The following SLX4 variants were observed in gnomAD, a reference collection of about 807,000 sequenced individuals.
SLX4 encodes the protein structure-specific endonuclease subunit SLX4.
A neutral mutation model predicts 146.2 loss-of-function variants in SLX4; 112 were observed. That is an observed-to-expected ratio of 0.77 (90% CI 0.66 to 0.90). The LOEUF (loss-of-function observed/expected upper bound fraction) is 0.90, where lower values mean the gene tolerates loss of function less well. Among genes scored for constraint, SLX4 ranks in the 40% least tolerant of loss-of-function variants. The pLI is 0.00. For synonymous variants in SLX4, 1,061 were observed against 997.7 expected (o/e 1.06, Z -1.20); for missense variants, 2,563 against 2,392.7 (o/e 1.07, Z -1.49).
chr16:3,611,060 A>G (rs559688146), intron 1 of SLX4, among the ~76,000 whole-genome samples: 1 of 152,234 alleles, frequency 6.6e-6, no homozygotes, highest in East Asian at 1.9e-4. Flanking sequence ...ACTGAATGAC[A>G]TAACGGATCC....
At chr16:3,606,112 T>G (rs908495100) in intron 3 of SLX4, among the ~76,000 whole-genome samples, 11 of 150,930 alleles carry the variant, frequency 7.3e-5, no homozygotes, top group Non-Finnish European at 1.5e-4. Flanking sequence ...ATACAAAAAT[T>G]GGCCAGGTGT....
rs2040561177 is a variant in SLX4, at chr16:3,589,912, C to T, written c.3726G>A (p.Glu1242=). The change falls in exon 12 of 15, where the codon GAG becomes GAA. Residue 1242 remains glutamate (E), a synonymous_variant. Transcript: ENST00000294008. The surrounding 1 kb of genome is among the most constrained non-coding windows in gnomAD (Gnocchi z 6.2). The part of the protein sequence containing the change: ...RGAPWLFCDR[E]SSPSEASTTD... Reference sequence around the variant, plus strand: ...TGGTGCTGGCCTCGCTGGGGCTGCTCTCACGGTCACAGAACAGCCAGGGAG... The same window carrying T: ...TGGTGCTGGCCTCGCTGGGGCTGCTTTCACGGTCACAGAACAGCCAGGGAG... The T allele has an allele frequency of 6.2e-7, 1 of 1,613,890 alleles. No homozygotes were observed. The highest frequency in any genetic ancestry group is 1.7e-5 in the Admixed American group (1 of 60,022).
At chr16:3,592,993 C>G (rs936886551) in intron 10 of SLX4, 128 bp from the exon 11 acceptor site, 1 of 930,056 alleles carries the variant, frequency 1.1e-6, no homozygotes, top group South Asian at 1.8e-5. Flanking sequence ...AGTGTCTCCC[C>G]TTGTCACCCA....
intron 8 of SLX4, 33 bp from the exon 9 acceptor site, chr16:3,595,726 C>T: frequency 6.2e-7 from 1 of 1,607,924 alleles, no homozygotes; most frequent in Non-Finnish European, 8.5e-7. Flanking sequence ...AAAGGAACGT[C>T]ACAGCCCAGC....
intron 11 of SLX4, 29 bp from the exon 12 acceptor site, chr16:3,591,339 C>T: frequency 1.2e-6 from 2 of 1,606,214 alleles, no homozygotes; most frequent in South Asian, 2.2e-5. Context: ...ACAGTCATCG[C>T]CCCTCTGCGT....
At chr16:3,594,032 C>T (rs1224095885) in intron 10 of SLX4, among the ~76,000 whole-genome samples, 8 of 152,032 alleles carry the variant, frequency 5.3e-5, no homozygotes, top group East Asian at 1.9e-4. Flanking sequence ...CCACCATGCC[C>T]GGCTAATTTT....
At chr16:3,605,377 C>T (rs1041157509) in intron 3 of SLX4, among the ~76,000 whole-genome samples, 16 of 151,928 alleles carry the variant, frequency 1.1e-4, no homozygotes, top group Admixed American at 6.6e-4. Flanking sequence ...GCGTGAGCCA[C>T]CACGCCTGGC....
At position 3,591,025 on chromosome 16, in the gene SLX4, C is replaced by G; in HGVS notation, c.2613G>C (p.Ala871=). ...QRKLLQEERA[A]GAGEDADWLE... is the part of the protein sequence containing the mutation. ...GCCAGTCAGCGTCCTCGCCGGCACCCGCTGCCCTTTCTTCCTGGAGAAGCT... is the reference window on the plus strand; with the variant it reads ...GCCAGTCAGCGTCCTCGCCGGCACCGGCTGCCCTTTCTTCCTGGAGAAGCT... The change falls in exon 12 of 15, where the codon GCG becomes GCC. Residue 871 remains alanine, a synonymous_variant. Transcript: ENST00000294008. 6.2e-7 allele frequency: 1 copy of G among 1,614,210 alleles called. No homozygotes were observed. The highest frequency in any genetic ancestry group is 8.5e-7 in the Non-Finnish European group (1 of 1,180,052).
At chr16:3,583,062 T>A in intron 14 of SLX4, 35 bp downstream of exon 14, 1 of 1,613,526 alleles carries the variant, frequency 6.2e-7, no homozygotes, top group Non-Finnish European at 8.5e-7. Context: ...AGAGGATACA[T>A]GAGGCCACTG....
At chr16:3,595,371 A>G (rs755752906) in intron 9 of SLX4, among the ~76,000 whole-genome samples, 1 of 152,244 alleles carries the variant, frequency 6.6e-6, no homozygotes, top group Non-Finnish European at 1.5e-5. Flanking sequence ...ATGGAGTCAC[A>G]GACAGAAAAG....
In SLX4 at chr16:3,602,198, T is replaced by C; in HGVS notation, c.870A>G (p.Glu290=). 6.2e-7 allele frequency: 1 copy of C among 1,614,180 alleles called. No individual in the cohort carries two copies. Among genetic ancestry groups the C allele is most frequent in the Non-Finnish European group, 8.5e-7 (1 of 1,180,034 alleles). ...GASAHDDSLE[E]KGLFFCQICQ... ...AAATCTGGCAGAAGAACAAACCCTT[T>C]TCCTCCAGGCTATCATCATGTGCCG... is the stretch of plus-strand genomic sequence containing the variant. The change falls in exon 4 of 15, where the codon GAA becomes GAG. Residue 290 remains glutamate, a synonymous_variant. Coordinates refer to ENST00000294008, the MANE Select transcript of SLX4 (RefSeq NM_032444.4).
chr16:3,595,203 C>T (rs1044283286), intron 9 of SLX4, among the ~76,000 whole-genome samples: 1 of 152,220 alleles, frequency 6.6e-6, no homozygotes, highest in East Asian at 1.9e-4. Context: ...AGGACCCGCA[C>T]AGAGGGGAGG....
chr16:3,606,435 C>T (rs753089455), intron 3 of SLX4, 39 bp downstream of exon 3: 2 of 1,604,442 alleles, frequency 1.2e-6, no homozygotes, highest in Admixed American at 3.3e-5. Flanking sequence ...GTTGTATTAA[C>T]TTATCTCTGT....
rs200507644 is a variant in SLX4 at position 3,583,278 on chromosome 16, C to T, written c.4972G>A (p.Gly1658Arg). The T allele has an allele frequency of 2.5e-5, 41 of 1,614,190 alleles. No individual in the cohort carries two copies. The East Asian group carries it at 9.1e-4, about 36-fold the overall frequency. The change falls in exon 14 of 15, where the codon GGA becomes AGA. Residue 1658 changes from glycine (G) to arginine (R), a missense_variant. By Grantham distance (125) the Gly-to-Arg change is moderately radical. Coordinates refer to ENST00000294008, the MANE Select transcript of SLX4 (RefSeq NM_032444.4). The part of the protein sequence containing the change: ...TTGPGAHRPK[G>R]PAKTKGPRHQ... ...CGGGGGCCCTTGGTCTTAGCAGGTC[C>T]CTTGGGCCTATGGGCCCCAGGTCCT... is the stretch of plus-strand genomic sequence containing the variant.
Position 3,596,912 on chromosome 16 carries a change from T to TC in SLX4, c.1683+466dup, listed in dbSNP as rs1447665580. Among the ~76,000 whole-genome samples, 3 of 150,652 alleles carry TC rather than the reference T, an allele frequency of 2.0e-5. No individual in the cohort carries two copies. In the East Asian group the frequency reaches 5.9e-4, roughly 29 times the overall value. Reference sequence around the variant, plus strand: ...GTCTCGGCTCACTGCAACTTCCGCCTCCCCGGTTCAAGCGATTCTTCTGCC... The same window carrying TC: ...GTCTCGGCTCACTGCAACTTCCGCCTCCCCCGGTTCAAGCGATTCTTCTGCC... On this transcript the variant is annotated intron_variant, in intron 7 of 14. Transcript: ENST00000294008.
chr16:3,597,856 G>A lies in SLX4; in HGVS notation c.1307C>T (p.Ala436Val), dbSNP rs773539191. 35 of 1,613,918 alleles carry A rather than the reference G, an allele frequency of 2.2e-5. No individual in the cohort carries two copies. Among genetic ancestry groups the A allele is most frequent in the Non-Finnish European group, 2.6e-5 (31 of 1,180,036 alleles). Residue 436 changes from alanine (A) to valine (V), a missense_variant, in exon 6 of 15, where the codon GCG becomes GTG. Physicochemically the swap from Ala to Val is moderately conservative, Grantham distance 64 (BLOSUM62 0). Transcript: ENST00000294008. The surrounding 1 kb of genome is among the most constrained non-coding windows in gnomAD (Gnocchi z 4.4). Reference protein sequence around the residue: ...ALSRSEMEPGAAVPALRLESA... With the variant: ...ALSRSEMEPGVAVPALRLESA... ...TTCCAGCCTGAGCGCTGGTACAGCC[G>A]CACCCGGCTCCATCTCCGACCGGGA... is the stretch of plus-strand genomic sequence containing the variant.
chr16:3,596,400 G>A lies in SLX4; in HGVS notation c.1684-7C>T, dbSNP rs1242744429. The A allele has an allele frequency of 3.1e-6, 5 of 1,588,444 alleles. No homozygotes were observed. Among genetic ancestry groups the A allele is most frequent in the African/African-American group, 2.7e-5 (2 of 74,564 alleles). ...CGGGCTCCTGCATAAGGCCCTGAAA[G>A]AAGCCAGTAAGGAGAGTGACCACGT... On this transcript the variant is annotated splice_region_variant and splice_polypyrimidine_tract_variant and intron_variant, in intron 7 of 14. Transcript: ENST00000294008.
chr16:3,588,832 C>T (rs1420937051), intron 12 of SLX4, among the ~76,000 whole-genome samples, 170 bp downstream of exon 12: 2 of 152,138 alleles, frequency 1.3e-5, no homozygotes, highest in African/African-American at 4.8e-5. Context: ...GAGAACCAGC[C>T]CGGCTCTCCT....
At chr16:3,609,657 G>GA (rs2040826817) in intron 1 of SLX4, 91 bp from the exon 2 acceptor site, 1 of 152,488 alleles carries the variant, frequency 6.6e-6, no homozygotes, top group Non-Finnish European at 1.5e-5. Flanking sequence ...TGGGGTGAGG[G>GA]AAAAGTCTTC....
Sources: allele counts gnomAD v4.1 joint callset (sites outside exome capture counted in the v4.1 genomes callset), GRCh38; gene constraint gnomAD v4.1.1; non-coding constraint Gnocchi (gnomAD v3.1); transcripts MANE v1.5; gene names NCBI Gene and HGNC (gene_info 2026-07-23, HGNC 2026-07-21).